PTPRK: variants seen among roughly 807,000 people sequenced by gnomAD.
PTPRK encodes the protein receptor-type tyrosine-protein phosphatase kappa.
PTPRK carries 75 observed loss-of-function variants against 178.0 expected under a neutral mutation model. The ratio of observed to expected loss-of-function variants is 0.42; its 90% CI spans 0.35 to 0.51. PTPRK has a LOEUF of 0.51. Among genes scored for constraint, PTPRK ranks in the 20% least tolerant of loss-of-function variants. PTPRK has a pLI of 0.02. For synonymous variants in PTPRK, 637 were observed against 620.6 expected (o/e 1.03, Z -0.39); for missense variants, 1,441 against 1,797.8 (o/e 0.80, Z 3.59).
chr6:128,493,288 C>T (rs111682460), intron 1 of PTPRK, among the ~76,000 whole-genome samples: 74 of 152,282 alleles, frequency 4.9e-4, no homozygotes, highest in Admixed American at 1.6e-3. Context: ...ACTGGCTGGG[C>T]GCGGTGGCTC....
At chr6:128,403,409 C>A (rs1841272143) in intron 1 of PTPRK, among the ~76,000 whole-genome samples, 2 of 152,180 alleles carry the variant, frequency 1.3e-5, no homozygotes, top group Admixed American at 1.3e-4. Context: ...AGAAGAGAGA[C>A]AATATATCTA....
At chr6:128,256,680 C>T (rs961524618) in intron 3 of PTPRK, among the ~76,000 whole-genome samples, 4 of 151,788 alleles carry the variant, frequency 2.6e-5, no homozygotes, top group African/African-American at 9.7e-5. Context: ...TCGTGATCCG[C>T]CCGCCTCAGC....
intron 11 of PTPRK, among the ~76,000 whole-genome samples, chr6:128,074,617 A>T (rs1783442592): frequency 6.6e-6 from 1 of 152,096 alleles, no homozygotes; most frequent in African/African-American, 2.4e-5. Flanking sequence ...GTTGGTAAGG[A>T]GATTCAAAGT....
chr6:128,008,769 A>G (rs1778720339), intron 14 of PTPRK, among the ~76,000 whole-genome samples: 1 of 151,112 alleles, frequency 6.6e-6, no homozygotes, highest in Admixed American at 6.6e-5. Context: ...GCACAAAATA[A>G]TTCCTAGACC....
chr6:128,021,683 C>T (rs968212347), intron 13 of PTPRK, among the ~76,000 whole-genome samples: 1 of 152,164 alleles, frequency 6.6e-6, no homozygotes, highest in Non-Finnish European at 1.5e-5. Context: ...AAAGCCTTTT[C>T]CAGCCCTCAA....
intron 2 of PTPRK, among the ~76,000 whole-genome samples, chr6:128,391,167 T>C (rs1839504769): frequency 6.6e-6 from 1 of 152,212 alleles, no homozygotes; most frequent in Non-Finnish European, 1.5e-5. Flanking sequence ...CTGAAAATCA[T>C]TGAATGACGC....
chr6:128,279,003 G>A (rs576608337), intron 3 of PTPRK, among the ~76,000 whole-genome samples: 1 of 152,056 alleles, frequency 6.6e-6, no homozygotes, highest in East Asian at 1.9e-4. Flanking sequence ...AGGGATGGGG[G>A]TAGAATCCAG....
intron 3 of PTPRK, among the ~76,000 whole-genome samples, chr6:128,304,132 T>C (rs1826037586): frequency 6.6e-6 from 1 of 152,250 alleles, no homozygotes; most frequent in Non-Finnish European, 1.5e-5. Context: ...CCTTCTGCTC[T>C]TCACTGCTAA....
chr6:128,486,908 G>T (rs1355736113), intron 1 of PTPRK, among the ~76,000 whole-genome samples: 1 of 151,666 alleles, frequency 6.6e-6, no homozygotes, highest in East Asian at 1.9e-4. Flanking sequence ...ATATTTAATT[G>T]ACATAGATAT....
intron 1 of PTPRK, among the ~76,000 whole-genome samples, chr6:128,410,335 A>C (rs1842159622): frequency 6.6e-6 from 1 of 152,164 alleles, no homozygotes. Context: ...ATACCCACAA[A>C]ACGAGAATCA....
intron 3 of PTPRK, among the ~76,000 whole-genome samples, chr6:128,317,325 G>A (rs1828143030): frequency 6.6e-6 from 1 of 151,924 alleles, no homozygotes; most frequent in Non-Finnish European, 1.5e-5. Context: ...ATCCAGCCTA[G>A]TATCCCACTC....
chr6:128,242,422 A>T lies in PTPRK; in HGVS notation c.577+99T>A, dbSNP rs1179978498. 10 of 1,468,912 alleles carry T rather than the reference A, an allele frequency of 6.8e-6. No individual in the cohort carries two copies. The Admixed American group carries it at 7.0e-5, about 10-fold the overall frequency. 91.0% of individuals were successfully genotyped at this position (1,468,912 alleles called of 1,614,324 possible). ...AGGCTAGGACTAACAATAACAAGAG[A>T]GACAGCAAAAACCAAGTGATAAACA... On this transcript the variant is annotated intron_variant, in intron 4 of 29. Coordinates refer to ENST00000368226, the MANE Select transcript of PTPRK (RefSeq NM_002844.4).
intron 1 of PTPRK, among the ~76,000 whole-genome samples, chr6:128,418,990 G>A (rs1843149645): frequency 1.3e-5 from 2 of 152,156 alleles, no homozygotes; most frequent in African/African-American, 4.8e-5. Flanking sequence ...TAAGAGCTAT[G>A]CCTTCCTTTT....
At chr6:127,995,146 G>A (rs1777001111) in intron 18 of PTPRK, 3 of 1,149,356 alleles carry the variant, frequency 2.6e-6, no homozygotes, top group Non-Finnish European at 3.8e-6. Context: ...ATTAGGTGAA[G>A]CATGCAGAAA....
chr6:128,422,437 G>T (rs1184549499), intron 1 of PTPRK, among the ~76,000 whole-genome samples: 1 of 152,118 alleles, frequency 6.6e-6, no homozygotes, highest in Non-Finnish European at 1.5e-5. Context: ...CACATTTCTA[G>T]TTGTTCCAGA....
At chr6:128,464,425 T>A (rs1272833400) in intron 1 of PTPRK, among the ~76,000 whole-genome samples, 2 of 151,652 alleles carry the variant, frequency 1.3e-5, no homozygotes, top group South Asian at 4.2e-4. Context: ...ATTTGTGTGA[T>A]CTGCCTTAGG....
chr6:128,507,397 T>C (rs1467995486), intron 1 of PTPRK, among the ~76,000 whole-genome samples: 3 of 152,156 alleles, frequency 2.0e-5, no homozygotes, highest in African/African-American at 4.8e-5. Context: ...GTGGGCCTCT[T>C]TTAAGACAGA....
chr6:128,433,958 T>C (rs1253734207), intron 1 of PTPRK, among the ~76,000 whole-genome samples: 1 of 151,780 alleles, frequency 6.6e-6, no homozygotes, highest in Non-Finnish European at 1.5e-5. Context: ...AAGAAATCTT[T>C]GAATGATTTT....
At chr6:127,978,021 G>T (rs1442521675) in intron 25 of PTPRK, among the ~76,000 whole-genome samples, 1 of 152,172 alleles carries the variant, frequency 6.6e-6, no homozygotes, top group Non-Finnish European at 1.5e-5. Flanking sequence ...CACAGGAACT[G>T]GTTCTTGGAC....
Sources: allele counts gnomAD v4.1 joint callset (sites outside exome capture counted in the v4.1 genomes callset), GRCh38; gene constraint gnomAD v4.1.1; transcripts MANE v1.5; gene names NCBI Gene and HGNC (gene_info 2026-07-23, HGNC 2026-07-21).